Variants in SORCS3 observed in about 807,000 individuals in gnomAD.
SORCS3 encodes the protein sortilin related VPS10 domain containing receptor 3.
In SORCS3, 57 loss-of-function variants were observed where a neutral mutation model predicts 146.3. The observed-to-expected ratio is 0.39, with a 90% CI of 0.31 to 0.49. The LOEUF (loss-of-function observed/expected upper bound fraction) is 0.49, where lower values mean the gene tolerates loss of function less well. Among genes scored for constraint, SORCS3 ranks in the 20% least tolerant of loss-of-function variants. The pLI is 0.92. For missense variants in SORCS3, 1,341 were observed against 1,575.5 expected (o/e 0.85, Z 2.52); for synonymous variants, 653 against 618.5 (o/e 1.06, Z -0.83).
At chr10:104,827,151 A>G (rs773655111) in intron 1 of SORCS3, among the ~76,000 whole-genome samples, 2 of 152,168 alleles carry the variant, frequency 1.3e-5, no homozygotes, top group Non-Finnish European at 2.9e-5. Flanking sequence ...ACTCCTATTC[A>G]TGTTGATATT....
At chr10:104,877,990 T>C (rs2491373) in intron 2 of SORCS3, among the ~76,000 whole-genome samples, 109,527 of 152,100 alleles carry the variant, frequency 0.72, 39,874 homozygotes, top group East Asian at 0.88. Context: ...ATTTCAGATG[T>C]GCCTGTACTG....
intron 22 of SORCS3, among the ~76,000 whole-genome samples, chr10:105,250,842 C>T (rs2056894029): frequency 6.6e-6 from 1 of 152,196 alleles, no homozygotes; most frequent in Admixed American, 6.5e-5. Context: ...CTGACTGCTG[C>T]TTCTTACTTC....
intron 14 of SORCS3, among the ~76,000 whole-genome samples, chr10:105,181,787 T>C (rs1311840889): frequency 6.6e-6 from 1 of 152,180 alleles, no homozygotes; most frequent in Non-Finnish European, 1.5e-5. Flanking sequence ...GGAGGGCCTA[T>C]TGCAGTCTCA....
At chr10:105,056,628 C>G (rs1228949526) in intron 5 of SORCS3, among the ~76,000 whole-genome samples, 1 of 152,192 alleles carries the variant, frequency 6.6e-6, no homozygotes. Context: ...ATATGCCACT[C>G]TCTGTCAATA....
chr10:105,243,071 T>A (rs888004647), intron 20 of SORCS3, among the ~76,000 whole-genome samples: 2 of 138,358 alleles, frequency 1.4e-5, no homozygotes, highest in African/African-American at 2.7e-5. Context: ...TTATATATAT[T>A]TATATATATA....
At chr10:104,672,580 T>C (rs1276113424) in intron 1 of SORCS3, among the ~76,000 whole-genome samples, 1 of 152,108 alleles carries the variant, frequency 6.6e-6, no homozygotes, top group Non-Finnish European at 1.5e-5. Context: ...TAATTGTAAG[T>C]GTTTATAGCT....
chr10:105,253,042 C>T (rs1564796437), intron 23 of SORCS3, 136 bp downstream of exon 23: 3 of 966,510 alleles, frequency 3.1e-6, no homozygotes, highest in South Asian at 1.8e-5. Context: ...GAGCAATCAC[C>T]CTTACCCAGA....
intron 7 of SORCS3, among the ~76,000 whole-genome samples, chr10:105,106,010 G>A (rs2055818653): frequency 6.6e-6 from 1 of 152,078 alleles, no homozygotes; most frequent in South Asian, 2.1e-4. Flanking sequence ...CTGAGTCTTA[G>A]GAAAAATTAG....
At chr10:104,822,825 T>A (rs1301749487) in intron 1 of SORCS3, among the ~76,000 whole-genome samples, 1 of 152,186 alleles carries the variant, frequency 6.6e-6, no homozygotes. Context: ...TTTAATCAAG[T>A]ATGTGACTAA....
chr10:105,245,442 T>A, intron 20 of SORCS3, 100 bp from the exon 21 acceptor site: 1 of 1,433,808 alleles, frequency 7.0e-7, no homozygotes, highest in Non-Finnish European at 9.5e-7. Context: ...TTGTTTGTTT[T>A]TCTTTTCCAA....
intron 1 of SORCS3, among the ~76,000 whole-genome samples, chr10:104,752,112 G>C (rs960562667): frequency 6.6e-6 from 1 of 150,688 alleles, no homozygotes; most frequent in Non-Finnish European, 1.5e-5. Context: ...TCAGCTCACT[G>C]TAACCTCCGC....
chr10:104,778,729 C>T (rs561556662), intron 1 of SORCS3, among the ~76,000 whole-genome samples: 5 of 152,188 alleles, frequency 3.3e-5, no homozygotes, highest in African/African-American at 1.2e-4. Context: ...TCCTTAGCTT[C>T]ACAGCAACCT....
intron 1 of SORCS3, among the ~76,000 whole-genome samples, chr10:104,669,697 A>T (rs1402940309): frequency 6.6e-6 from 1 of 152,216 alleles, no homozygotes; most frequent in Non-Finnish European, 1.5e-5. Flanking sequence ...TGCTATGAAC[A>T]TGGGTATATG....
At chr10:105,261,278 A>G (rs1481247872) in intron 25 of SORCS3, among the ~76,000 whole-genome samples, 4 of 152,216 alleles carry the variant, frequency 2.6e-5, no homozygotes, top group African/African-American at 9.6e-5. Context: ...CAGAGACGAC[A>G]TGTAAGCCAA....
At chr10:105,125,494 C>T (rs1387035003) in intron 7 of SORCS3, among the ~76,000 whole-genome samples, 1 of 152,090 alleles carries the variant, frequency 6.6e-6, no homozygotes, top group African/African-American at 2.4e-5. Flanking sequence ...ATTTTGGCAC[C>T]AGAGCCTTCT....
intron 3 of SORCS3, among the ~76,000 whole-genome samples, chr10:104,973,430 G>A (rs1240786285): frequency 1.3e-5 from 2 of 152,282 alleles, no homozygotes; most frequent in East Asian, 1.9e-4. Flanking sequence ...TTGGGAGGGT[G>A]TATGTGTTGA....
At chr10:105,026,132 A>G (rs899744597) in intron 4 of SORCS3, among the ~76,000 whole-genome samples, 25 of 152,268 alleles carry the variant, frequency 1.6e-4, no homozygotes, top group Non-Finnish European at 3.2e-4. Flanking sequence ...TCTCAGAGCT[A>G]TCTGTGACTC....
At chr10:104,969,340 T>TGTGTGTGTGCGC (rs398014705) in intron 3 of SORCS3, among the ~76,000 whole-genome samples, 3 of 112,332 alleles carry the variant, frequency 2.7e-5, no homozygotes, top group African/African-American at 8.8e-5. Context: ...TGTGTGTGTG[T>TGTGTGTGTGCGC]GCGCGCGCGC....
intron 2 of SORCS3, among the ~76,000 whole-genome samples, chr10:104,895,193 T>C (rs1168860151): frequency 6.6e-6 from 1 of 152,168 alleles, no homozygotes; most frequent in Non-Finnish European, 1.5e-5. Flanking sequence ...GCCATTTTTG[T>C]TTTTACCTAT....
Sources: allele counts gnomAD v4.1 joint callset (sites outside exome capture counted in the v4.1 genomes callset), GRCh38; gene constraint gnomAD v4.1.1; transcripts MANE v1.5; gene names NCBI Gene and HGNC (gene_info 2026-07-23, HGNC 2026-07-21).